Variants in DCC observed in about 807,000 individuals in gnomAD.
DCC encodes DCC netrin 1 receptor.
DCC carries 58 observed loss-of-function variants against 172.5 expected under a neutral mutation model. The ratio of observed to expected loss-of-function variants is 0.34; its 90% CI spans 0.27 to 0.42. The LOEUF is 0.42. DCC is among the 10% of genes least tolerant of loss of function. The pLI is 1.00. For synonymous variants in DCC, 709 were observed against 644.5 expected (o/e 1.10, Z -1.52); for missense variants, 1,740 against 1,791.0 (o/e 0.97, Z 0.51).
chr18:52,347,174 C>T (rs1020928062), intron 1 of DCC, among the ~76,000 whole-genome samples: 2 of 152,144 alleles, frequency 1.3e-5, no homozygotes. Context: ...GTCAATACAA[C>T]ATTATTCTGG....
At chr18:52,876,987 G>C (rs1039590289) in intron 2 of DCC, among the ~76,000 whole-genome samples, 8 of 152,072 alleles carry the variant, frequency 5.3e-5, no homozygotes, top group African/African-American at 1.7e-4. Flanking sequence ...CAATGAATAT[G>C]TTTTTAATAT....
intron 3 of DCC, among the ~76,000 whole-genome samples, chr18:52,917,365 T>C (rs544716660): frequency 6.6e-6 from 1 of 152,084 alleles, no homozygotes; most frequent in Non-Finnish European, 1.5e-5. Flanking sequence ...TAAAAATCTG[T>C]TTTGATTTTT....
intron 7 of DCC, among the ~76,000 whole-genome samples, chr18:53,102,224 TC>T (rs1203331900): frequency 2.0e-5 from 3 of 152,156 alleles, no homozygotes; most frequent in Non-Finnish European, 4.4e-5. Context: ...TTAGCCAGCA[TC>T]CCTTTTTCAT....
At chr18:53,223,433 G>A (rs1007744499) in intron 12 of DCC, among the ~76,000 whole-genome samples, 2 of 151,900 alleles carry the variant, frequency 1.3e-5, no homozygotes, top group African/African-American at 4.8e-5. Flanking sequence ...CTCCATTTCT[G>A]CTTGGCTCTG....
At chr18:52,807,642 A>G (rs545208871) in intron 2 of DCC, among the ~76,000 whole-genome samples, 1 of 151,786 alleles carries the variant, frequency 6.6e-6, no homozygotes, top group African/African-American at 2.4e-5. Flanking sequence ...TATCAGTCTG[A>G]AATAAATATC....
At chr18:52,561,031 T>C (rs907785236) in intron 1 of DCC, among the ~76,000 whole-genome samples, 1 of 152,166 alleles carries the variant, frequency 6.6e-6, no homozygotes, top group African/African-American at 2.4e-5. Flanking sequence ...TTTCACTTTA[T>C]ATCCAGATGT....
At chr18:53,431,171 T>C (rs1009213469) in intron 21 of DCC, among the ~76,000 whole-genome samples, 23 of 152,042 alleles carry the variant, frequency 1.5e-4, no homozygotes, top group African/African-American at 5.3e-4. Flanking sequence ...CCAATGCCCA[T>C]TTAATATTTA....
intron 5 of DCC, among the ~76,000 whole-genome samples, chr18:52,989,133 A>G (rs893490529): frequency 6.6e-6 from 1 of 152,138 alleles, no homozygotes. Context: ...AATTCATACA[A>G]TATCCACCTC....
intron 25 of DCC, among the ~76,000 whole-genome samples, chr18:53,484,106 C>A (rs2045872982): frequency 1.3e-5 from 2 of 151,792 alleles, no homozygotes; most frequent in Admixed American, 6.6e-5. Flanking sequence ...AAATTACATG[C>A]CAAAATCACA....
intron 1 of DCC, among the ~76,000 whole-genome samples, chr18:52,571,610 C>A (rs2033294068): frequency 2.0e-5 from 3 of 152,126 alleles, no homozygotes; most frequent in African/African-American, 7.2e-5. Context: ...ACTCTGTGAG[C>A]CTCTTGTTCC....
At chr18:52,886,007 T>C (rs1035512146) in intron 2 of DCC, among the ~76,000 whole-genome samples, 64 of 151,930 alleles carry the variant, frequency 4.2e-4, no homozygotes, top group African/African-American at 1.5e-3. Flanking sequence ...TTTTCTACTG[T>C]GGTTGAGCTG....
chr18:52,803,028 A>C (rs1374730016), intron 2 of DCC, among the ~76,000 whole-genome samples: 1 of 152,174 alleles, frequency 6.6e-6, no homozygotes, highest in Non-Finnish European at 1.5e-5. Context: ...TGTGTTGACA[A>C]GATGAATAAT....
intron 5 of DCC, among the ~76,000 whole-genome samples, chr18:53,029,178 C>T (rs115758951): frequency 0.015 from 2,222 of 152,144 alleles, 46 homozygotes; most frequent in African/African-American, 0.05. Context: ...CTAAAAATTA[C>T]CCAAATGTGG....
At chr18:52,702,467 A>C (rs2036141970) in intron 1 of DCC, among the ~76,000 whole-genome samples, 1 of 152,136 alleles carries the variant, frequency 6.6e-6, no homozygotes, top group Non-Finnish European at 1.5e-5. Flanking sequence ...TATACAACCC[A>C]GTTTTCTCTT....
chr18:53,464,532 C>G (rs558066686), intron 24 of DCC, among the ~76,000 whole-genome samples: 1 of 151,498 alleles, frequency 6.6e-6, no homozygotes, highest in Non-Finnish European at 1.5e-5. Flanking sequence ...GTGTTACTAC[C>G]AAAAAATTTT....
At chr18:53,190,796 A>C (rs932741082) in intron 9 of DCC, among the ~76,000 whole-genome samples, 4 of 152,046 alleles carry the variant, frequency 2.6e-5, no homozygotes, top group Non-Finnish European at 4.4e-5. Context: ...AATACAAAAA[A>C]CTAGCCTAGC....
At chr18:53,339,432 G>A (rs1163153354) in intron 14 of DCC, among the ~76,000 whole-genome samples, 1 of 151,948 alleles carries the variant, frequency 6.6e-6, no homozygotes, top group Non-Finnish European at 1.5e-5. Flanking sequence ...TATGTAAAAA[G>A]AAAAAAAGCC....
At position 53,201,472 on chromosome 18, in the gene DCC, C is replaced by T. The variant is rs566457499; in HGVS notation, c.1574-3744C>T. Among the ~76,000 whole-genome samples the T allele has an allele frequency of 5.5e-4, 83 of 152,272 alleles. 1 individual carries two copies. The South Asian group carries it at 0.017, about 31-fold the overall frequency. ...TCATTCAGTCTCAATGTTCTCGTTC[C>T]TTTCTCTGCCTTCTGTAGAGGAATA... On this transcript the variant is annotated intron_variant, in intron 9 of 28. Coordinates refer to ENST00000442544, the MANE Select transcript of DCC (RefSeq NM_005215.4).
chr18:52,683,810 T>A (rs1487248993), intron 1 of DCC, among the ~76,000 whole-genome samples: 1 of 152,056 alleles, frequency 6.6e-6, no homozygotes, highest in African/African-American at 2.4e-5. Flanking sequence ...AGAAAAAAAG[T>A]CTTATGTCTT....
Sources: allele counts gnomAD v4.1 joint callset (sites outside exome capture counted in the v4.1 genomes callset), GRCh38; gene constraint gnomAD v4.1.1; transcripts MANE v1.5; gene names NCBI Gene and HGNC (gene_info 2026-07-23, HGNC 2026-07-21).